Variants in PAPPA2 observed in about 807,000 individuals in gnomAD.
PAPPA2 encodes pappalysin 2, also known as pappalysin-2.
PAPPA2 carries 86 observed loss-of-function variants against 176.4 expected under a neutral mutation model. That is an observed-to-expected ratio of 0.49 (90% CI 0.41 to 0.58). The LOEUF is 0.58. PAPPA2 is among the 20% of genes least tolerant of loss of function. The pLI is 0.00. For missense variants in PAPPA2, 2,073 were observed against 2,256.9 expected, an observed-to-expected ratio of 0.92 and a Z score of 1.65; for synonymous variants, 809 against 852.2, an observed-to-expected ratio of 0.95 and a Z score of 0.88.
intron 1 of PAPPA2, among the ~76,000 whole-genome samples, chr1:176,467,793 G>A (rs1651695178): frequency 6.6e-6 from 1 of 152,198 alleles, no homozygotes; most frequent in Non-Finnish European, 1.5e-5. Context: ...TAACTGAGAT[G>A]CTAGACACAT....
In PAPPA2 at chr1:176,728,120, A is replaced by G. The variant is rs185645103; in HGVS notation, c.3799-11506A>G. The stretch of plus-strand genomic sequence containing the variant: ...GAAAAAGATCAAATTAAAATCAATT[A>G]AAATAAAAAGGAAAATCACAAAGAG... On this transcript the variant is annotated intron_variant, in intron 12 of 22. Coordinates refer to ENST00000367662, the MANE Select transcript of PAPPA2 (RefSeq NM_020318.3). Among the ~76,000 whole-genome samples the G allele has an allele frequency of 3.9e-3, 595 of 152,006 alleles. 3 individuals carry two copies. Among genetic ancestry groups the G allele is most frequent in the Middle Eastern group, 0.024 (7 of 292 alleles).
In PAPPA2 at chr1:176,661,009, C is replaced by T. The variant is rs147046951; in HGVS notation, c.1992-9961C>T. On this transcript the variant is annotated intron_variant, in intron 3 of 22. Transcript: ENST00000367662. ...ATTGGAATTATTTGTTACATAAACA[C>T]CAAAACAGGTCTTTTTGGGGTCTTA... Among the ~76,000 whole-genome samples the T allele has an allele frequency of 2.4e-4, 37 of 152,202 alleles. 1 individual carries two copies. The East Asian group carries it at 6.2e-3, about 26-fold the overall frequency.
chr1:176,821,218 T>G (rs1343048825), intron 21 of PAPPA2, among the ~76,000 whole-genome samples: 1 of 151,860 alleles, frequency 6.6e-6, no homozygotes, highest in Non-Finnish European at 1.5e-5. Flanking sequence ...GTGTACACAA[T>G]AGAGATAAAA....
At chr1:176,690,485 A>T in intron 5 of PAPPA2, 55 bp downstream of exon 5, 1 of 1,584,836 alleles carries the variant, frequency 6.3e-7, no homozygotes, top group Non-Finnish European at 8.6e-7. Flanking sequence ...GGCCTTTGAG[A>T]GCTGGGAGGG....
intron 2 of PAPPA2, among the ~76,000 whole-genome samples, chr1:176,561,466 A>C (rs566901578): frequency 7.9e-4 from 121 of 152,250 alleles, no homozygotes; most frequent in Non-Finnish European, 1.6e-3. Flanking sequence ...TGGAATATTC[A>C]CTTTAATTTC....
chr1:176,603,990 G>A (rs1654474292), intron 3 of PAPPA2, among the ~76,000 whole-genome samples: 1 of 152,110 alleles, frequency 6.6e-6, no homozygotes, highest in East Asian at 1.9e-4. Context: ...CACTTCTGTG[G>A]CCTCACCTCT....
At chr1:176,808,279 C>A (rs1665993301) in intron 21 of PAPPA2, among the ~76,000 whole-genome samples, 1 of 152,098 alleles carries the variant, frequency 6.6e-6, no homozygotes, top group Non-Finnish European at 1.5e-5. Context: ...GCTTTTTTAA[C>A]AAATACCTCA....
chr1:176,592,275 A>C (rs1258262316), intron 2 of PAPPA2, among the ~76,000 whole-genome samples: 2 of 152,218 alleles, frequency 1.3e-5, no homozygotes, highest in African/African-American at 4.8e-5. Context: ...TGGACATCTT[A>C]ATAAATTAGA....
chr1:176,829,144 C>G (rs1300520640), intron 21 of PAPPA2, among the ~76,000 whole-genome samples: 1 of 152,156 alleles, frequency 6.6e-6, no homozygotes, highest in Non-Finnish European at 1.5e-5. Context: ...TGGGAAAAGG[C>G]TTGTCAACTG....
chr1:176,596,167 G>T (rs977656754), intron 3 of PAPPA2, among the ~76,000 whole-genome samples: 2 of 152,148 alleles, frequency 1.3e-5, no homozygotes, highest in African/African-American at 2.4e-5. Context: ...TCCATTCTTT[G>T]TGCAGCATCC....
chr1:176,781,018 A>G (rs1310629697), intron 17 of PAPPA2, among the ~76,000 whole-genome samples: 1 of 152,198 alleles, frequency 6.6e-6, no homozygotes, highest in Non-Finnish European at 1.5e-5. Flanking sequence ...TATTTGGCAG[A>G]AAAATCTGTT....
At chr1:176,480,868 C>T (rs762120260) in intron 1 of PAPPA2, among the ~76,000 whole-genome samples, 18 of 151,954 alleles carry the variant, frequency 1.2e-4, no homozygotes, top group Non-Finnish European at 1.5e-5. Context: ...TAAAGCCAGT[C>T]ACCCGACTGT....
chr1:176,667,490 T>A (rs1004701139), intron 3 of PAPPA2, among the ~76,000 whole-genome samples: 2 of 151,944 alleles, frequency 1.3e-5, no homozygotes, highest in African/African-American at 4.8e-5. Context: ...GAAAACTATG[T>A]GTTTGAGGTT....
At chr1:176,537,578 C>G (rs767715265) in intron 1 of PAPPA2, among the ~76,000 whole-genome samples, 1 of 152,146 alleles carries the variant, frequency 6.6e-6, no homozygotes. Flanking sequence ...TGGAATAGAC[C>G]TTGCACCTTG....
chr1:176,671,292 A>G (rs1658984240), intron 4 of PAPPA2, among the ~76,000 whole-genome samples, 177 bp downstream of exon 4: 1 of 152,240 alleles, frequency 6.6e-6, no homozygotes, highest in Admixed American at 6.5e-5. Context: ...TTCAATATAG[A>G]CAAGTAAGAG....
At position 176,506,081 on chromosome 1, in the gene PAPPA2, A is replaced by C. The variant is rs1648247116; in HGVS notation, c.-917+42663A>C. ...CTGTGTGTGGCTAGCCAGTTATCCCAGCACCATTTATTGAATAAGGAGTCC... is the reference window on the plus strand; with the variant it reads ...CTGTGTGTGGCTAGCCAGTTATCCCCGCACCATTTATTGAATAAGGAGTCC... On this transcript the variant is annotated intron_variant, in intron 1 of 22. Coordinates refer to ENST00000367662, the MANE Select transcript of PAPPA2 (RefSeq NM_020318.3). Among the ~76,000 whole-genome samples, 8 of 152,252 alleles carry C rather than the reference A, an allele frequency of 5.3e-5. 1 individual carries two copies. The highest frequency in any genetic ancestry group is 3.4e-3 in the Middle Eastern group (1 of 294).
intron 5 of PAPPA2, chr1:176,690,743 G>T: frequency 8.7e-7 from 1 of 1,148,936 alleles, no homozygotes. Flanking sequence ...TCTAGAATGT[G>T]GTTATTCTTA....
At chr1:176,554,562 CCCATCCTTT>C (rs1386849993) in intron 1 of PAPPA2, among the ~76,000 whole-genome samples, 1 of 152,156 alleles carries the variant, frequency 6.6e-6, no homozygotes, top group African/African-American at 2.4e-5. Context: ...CATTTTCTTC[CCCATCCTTT>C]CCATCCATTT....
chr1:176,572,124 A>G (rs924700929), intron 2 of PAPPA2, among the ~76,000 whole-genome samples: 3 of 152,224 alleles, frequency 2.0e-5, no homozygotes, highest in African/African-American at 7.2e-5. Flanking sequence ...ACCCCAATCT[A>G]AGTACTTGGC....
Sources: allele counts gnomAD v4.1 joint callset (sites outside exome capture counted in the v4.1 genomes callset), GRCh38; gene constraint gnomAD v4.1.1; transcripts MANE v1.5; gene names NCBI Gene and HGNC (gene_info 2026-07-23, HGNC 2026-07-21).